The following TMEM135 variants were observed in gnomAD, a reference collection of about 807,000 sequenced individuals.
TMEM135 encodes the protein transmembrane protein 135.
A neutral mutation model predicts 60.3 loss-of-function variants in TMEM135; 30 were observed. That is an observed-to-expected ratio of 0.50 (90% CI 0.37 to 0.68). The LOEUF is 0.68. TMEM135 is among the 30% of genes least tolerant of loss of function. The pLI is 0.00. For missense variants in TMEM135, 468 were observed against 548.8 expected (o/e 0.85, Z 1.47); for synonymous variants, 190 against 186.7 (o/e 1.02, Z -0.14).
rs779542136 is a variant in TMEM135 at position 87,326,533 on chromosome 11, G to C, written c.*5200G>C. The C allele has an allele frequency of 1.3e-5, 6 of 453,944 alleles. No homozygotes were observed. The highest frequency in any genetic ancestry group is 2.6e-5 in the Non-Finnish European group (6 of 226,780). The allele number at this position is 453,944 out of a possible 1,614,324, so 28.1% of individuals were successfully genotyped here. On this transcript the variant is annotated 3_prime_UTR_variant, in exon 15 of 15. Transcript: ENST00000305494. Reference sequence around the variant, plus strand: ...AAGCATGAAGTACATTCTGTGGTTGGTCATTATGGGATTGGATGCCAAAAG... The same window carrying C: ...AAGCATGAAGTACATTCTGTGGTTGCTCATTATGGGATTGGATGCCAAAAG...
chr11:87,223,633 A>G (rs1263284174), intron 5 of TMEM135, among the ~76,000 whole-genome samples: 2 of 151,886 alleles, frequency 1.3e-5, no homozygotes, highest in Non-Finnish European at 2.9e-5. Context: ...CAACATGGTG[A>G]AACACTGTCT....
At chr11:87,131,575 C>G (rs747580122) in intron 4 of TMEM135, among the ~76,000 whole-genome samples, 15 of 152,130 alleles carry the variant, frequency 9.9e-5, no homozygotes, top group Non-Finnish European at 1.9e-4. Context: ...ATTTAATCTT[C>G]ATGAGAGGAT....
intron 5 of TMEM135, among the ~76,000 whole-genome samples, chr11:87,193,283 T>C (rs1939860353): frequency 6.6e-6 from 1 of 152,118 alleles, no homozygotes; most frequent in African/African-American, 2.4e-5. Context: ...TGAGATCTGA[T>C]TCAAGAAATA....
At chr11:87,266,132 G>C (rs563877743) in intron 6 of TMEM135, among the ~76,000 whole-genome samples, 1 of 152,248 alleles carries the variant, frequency 6.6e-6, no homozygotes, top group African/African-American at 2.4e-5. Flanking sequence ...ACTGTTTATA[G>C]TTAAGGATTT....
intron 3 of TMEM135, among the ~76,000 whole-genome samples, chr11:87,089,481 T>C (rs777029305): frequency 2.0e-5 from 3 of 152,050 alleles, no homozygotes; most frequent in Non-Finnish European, 2.9e-5. Context: ...AGTTTGAGAC[T>C]GCAGTGAGCT....
intron 5 of TMEM135, among the ~76,000 whole-genome samples, chr11:87,224,343 T>A (rs1246603131): frequency 1.3e-5 from 2 of 152,242 alleles, no homozygotes; most frequent in East Asian, 3.8e-4. Flanking sequence ...GAGTGCTATC[T>A]TATTGGCCAC....
At chr11:87,220,460 C>T (rs1431158252) in intron 5 of TMEM135, among the ~76,000 whole-genome samples, 1 of 152,136 alleles carries the variant, frequency 6.6e-6, no homozygotes, top group African/African-American at 2.4e-5. Context: ...GGTCATATCA[C>T]TTTCAAAGTG....
At chr11:87,309,472 T>G (rs1942605103) in intron 9 of TMEM135, 33 bp from the exon 10 acceptor site, 2 of 1,612,668 alleles carry the variant, frequency 1.2e-6, no homozygotes, top group African/African-American at 1.3e-5. Flanking sequence ...AAAATTTGTT[T>G]GTAAATCAGG....
At chr11:87,286,580 C>T (rs1942171078) in intron 6 of TMEM135, among the ~76,000 whole-genome samples, 1 of 152,002 alleles carries the variant, frequency 6.6e-6, no homozygotes, top group South Asian at 2.1e-4. Flanking sequence ...GGGCGGCGCC[C>T]GTCAGAGAGG....
At chr11:87,053,861 C>T (rs573177563) in intron 1 of TMEM135, among the ~76,000 whole-genome samples, 22 of 152,252 alleles carry the variant, frequency 1.4e-4, no homozygotes, top group African/African-American at 5.3e-4. Flanking sequence ...TCTTAGTTTT[C>T]TTTCTACTCA....
intron 4 of TMEM135, among the ~76,000 whole-genome samples, chr11:87,101,382 A>G (rs935929442): frequency 6.6e-6 from 1 of 152,214 alleles, no homozygotes; most frequent in Non-Finnish European, 1.5e-5. Context: ...CAATCTTTCA[A>G]AATTTATTAT....
chr11:87,319,609 A>C (rs953628897), intron 14 of TMEM135, among the ~76,000 whole-genome samples: 12 of 152,192 alleles, frequency 7.9e-5, no homozygotes, highest in South Asian at 2.1e-4. Flanking sequence ...GCTAACTACT[A>C]ATTAGCTGCT....
intron 4 of TMEM135, among the ~76,000 whole-genome samples, chr11:87,146,561 A>G (rs949374686): frequency 6.6e-6 from 1 of 152,116 alleles, no homozygotes; most frequent in Non-Finnish European, 1.5e-5. Flanking sequence ...TTTGCTTTTC[A>G]TATTCACAGC....
Position 87,053,833 on chromosome 11 carries a change from CT to C in TMEM135, c.142-13857del, listed in dbSNP as rs568180578. Among the ~76,000 whole-genome samples, 357 of 152,214 alleles carry C rather than the reference CT, an allele frequency of 2.3e-3. 3 individuals carry two copies. Among genetic ancestry groups the C allele is most frequent in the African/African-American group, 8.4e-3 (349 of 41,536 alleles). ...ACCGCAGGTTAAACTTTTAAATTGC[CT>C]TTTAATTACTCACTAATCTTAGTTT... On this transcript the variant is annotated intron_variant, in intron 1 of 14. Coordinates refer to ENST00000305494, the MANE Select transcript of TMEM135 (RefSeq NM_022918.4).
At chr11:87,171,712 C>T (rs925569354) in intron 5 of TMEM135, among the ~76,000 whole-genome samples, 5 of 152,126 alleles carry the variant, frequency 3.3e-5, no homozygotes, top group Admixed American at 2.0e-4. Flanking sequence ...GCTTTGTATA[C>T]CCTTTCTGCC....
chr11:87,215,266 TC>T (rs1323474284), intron 5 of TMEM135, among the ~76,000 whole-genome samples: 1 of 152,204 alleles, frequency 6.6e-6, no homozygotes, highest in African/African-American at 2.4e-5. Flanking sequence ...ATTTTGAGTT[TC>T]AGTTACTTAT....
At chr11:87,268,336 G>A (rs1941795361) in intron 6 of TMEM135, among the ~76,000 whole-genome samples, 1 of 150,560 alleles carries the variant, frequency 6.6e-6, no homozygotes, top group African/African-American at 2.4e-5. Flanking sequence ...GGCTGATCTG[G>A]AACTCTTGGG....
intron 4 of TMEM135, among the ~76,000 whole-genome samples, chr11:87,129,213 ATTTTTTTTTTTTTTT>A (rs71040295): frequency 1.5e-4 from 18 of 116,230 alleles, no homozygotes; most frequent in African/African-American, 3.3e-4. Context: ...TTATTCCTTA[ATTTTTTTTTTTTTTT>A]TTTTTTTTTT....
intron 6 of TMEM135, among the ~76,000 whole-genome samples, chr11:87,284,321 C>G (rs952129103): frequency 1.3e-5 from 2 of 152,172 alleles, no homozygotes; most frequent in African/African-American, 4.8e-5. Flanking sequence ...CTTTTAGAAA[C>G]AGTCTGAAGG....
Sources: allele counts gnomAD v4.1 joint callset (sites outside exome capture counted in the v4.1 genomes callset), GRCh38; gene constraint gnomAD v4.1.1; transcripts MANE v1.5; gene names NCBI Gene and HGNC (gene_info 2026-07-23, HGNC 2026-07-21).